TRPC1: variants seen among roughly 807,000 people sequenced by gnomAD.
TRPC1 encodes short transient receptor potential channel 1.
A neutral mutation model predicts 88.2 loss-of-function variants in TRPC1; 42 were observed. The observed-to-expected ratio is 0.48, with a 90% CI of 0.37 to 0.62. The LOEUF (loss-of-function observed/expected upper bound fraction) is 0.62. TRPC1 is among the 20% of genes least tolerant of loss of function. The pLI, the probability that TRPC1 is intolerant of heterozygous loss-of-function variation, is 0.00. For missense variants in TRPC1, 699 were observed against 957.3 expected, an observed-to-expected ratio of 0.73 and a Z score of 3.56; for synonymous variants, 288 against 331.8, an observed-to-expected ratio of 0.87 and a Z score of 1.43.
intron 4 of TRPC1, among the ~76,000 whole-genome samples, chr3:142,753,986 G>A (rs1181144662): frequency 1.3e-5 from 2 of 151,404 alleles, no homozygotes; most frequent in African/African-American, 4.9e-5. Flanking sequence ...GCAGGAGGCT[G>A]AGGTGGGAGG....
chr3:142,801,587 T>G (rs1936621366), intron 9 of TRPC1, among the ~76,000 whole-genome samples: 1 of 152,146 alleles, frequency 6.6e-6, no homozygotes, highest in Admixed American at 6.6e-5. Context: ...TACTCACTAC[T>G]AATACTGGAC....
chr3:142,745,417 G>A (rs1350299527), intron 3 of TRPC1, among the ~76,000 whole-genome samples: 2 of 152,150 alleles, frequency 1.3e-5, no homozygotes, highest in Non-Finnish European at 2.9e-5. Flanking sequence ...GCCGAGGCGG[G>A]TGGAACATCT....
chr3:142,759,986 G>A (rs917008803), intron 4 of TRPC1, among the ~76,000 whole-genome samples: 1 of 152,052 alleles, frequency 6.6e-6, no homozygotes, highest in Non-Finnish European at 1.5e-5. Context: ...TCCACGCCCG[G>A]CTAATTTTTT....
At chr3:142,736,569 A>C in intron 2 of TRPC1, 36 bp downstream of exon 2, 1 of 1,533,192 alleles carries the variant, frequency 6.5e-7, no homozygotes. Context: ...GTTAACTTCT[A>C]AGTGCTGTTA....
At chr3:142,800,880 C>T (rs2108160898) in intron 9 of TRPC1, among the ~76,000 whole-genome samples, 1 of 151,116 alleles carries the variant, frequency 6.6e-6, no homozygotes, top group South Asian at 2.1e-4. Context: ...GATCACACCA[C>T]TGCATTCCAG....
intron 9 of TRPC1, 111 bp from the exon 10 acceptor site, chr3:142,802,058 G>A (rs12634067): frequency 0.078 from 50,415 of 642,842 alleles, 2,526 homozygotes; most frequent in East Asian, 0.17. Context: ...AATAGAAGGG[G>A]TGGCCTGTGG....
At chr3:142,762,247 G>A (rs920180656) in intron 4 of TRPC1, among the ~76,000 whole-genome samples, 1 of 151,616 alleles carries the variant, frequency 6.6e-6, no homozygotes, top group Admixed American at 6.6e-5. Context: ...TGTTGCCCAG[G>A]CTGGTCTTGA....
At chr3:142,793,404 A>G (rs945690774) in intron 9 of TRPC1, among the ~76,000 whole-genome samples, 3 of 152,078 alleles carry the variant, frequency 2.0e-5, no homozygotes, top group African/African-American at 7.2e-5. Context: ...GAATACTTAC[A>G]CTTTCGTTTA....
intron 3 of TRPC1, among the ~76,000 whole-genome samples, chr3:142,744,727 C>A (rs1203526455): frequency 6.6e-6 from 1 of 152,096 alleles, no homozygotes; most frequent in Non-Finnish European, 1.5e-5. Flanking sequence ...CATTGACTAA[C>A]CAAATTATGG....
chr3:142,724,726 A>G lies in TRPC1; in HGVS notation c.167A>G (p.Asp56Gly). The G allele has an allele frequency of 6.3e-7, 1 of 1,583,898 alleles. No homozygotes were observed. Among genetic ancestry groups the G allele is most frequent in the Non-Finnish European group, 8.6e-7 (1 of 1,161,726 alleles). Residue 56 changes from aspartate to glycine, a missense_variant, in exon 1 of 13, where the codon GAC (aspartate) becomes GGC (glycine). By Grantham distance (94) the Asp-to-Gly change is moderately conservative (BLOSUM62 -1). Coordinates refer to ENST00000476941, the MANE Select transcript of TRPC1 (RefSeq NM_001251845.2). This position sits in a 1 kb window ranked among gnomAD's most constrained non-coding sequence, Gnocchi z 5.6. ...GAGAAGCTTTTCTTGCTGGCGTGCG[A>G]CAAGGGTGAGAGTTAGGCCCCTTTC... ...LNEKLFLLAC[D>G]KGDYYMVKKI...
At chr3:142,777,592 A>G in intron 4 of TRPC1, 40 bp from the exon 5 acceptor site, 1 of 1,451,212 alleles carries the variant, frequency 6.9e-7, no homozygotes, top group Non-Finnish European at 9.3e-7. Context: ...TTATATGTGT[A>G]TAAGTTTATT....
rs747917025 is a variant in TRPC1 at position 142,802,216 on chromosome 3, G to A, written c.1629G>A (p.Met543Ile). ...AAGATTTTGGAAAATTTCTTGGGAT[G>A]TTTCTTCTTGTTTTGTTTTCTTTCA... is the stretch of plus-strand genomic sequence containing the variant. ...MLQDFGKFLG[M>I]FLLVLFSFTI... Residue 543 changes from methionine to isoleucine, a missense_variant, in exon 10 of 13, where the codon ATG (methionine) becomes ATA (isoleucine). By Grantham distance (10) the Met-to-Ile change is conservative. Coordinates refer to ENST00000476941, the MANE Select transcript of TRPC1 (RefSeq NM_001251845.2). The A allele has an allele frequency of 6.3e-7, 1 of 1,592,638 alleles. No homozygotes were observed. Among genetic ancestry groups the A allele is most frequent in the Non-Finnish European group, 8.5e-7 (1 of 1,171,914 alleles).
chr3:142,780,869 T>A lies in TRPC1; in HGVS notation c.800T>A (p.Met267Lys). 6.2e-7 allele frequency: 1 copy of A among 1,612,534 alleles called. No homozygotes were observed. The highest frequency in any genetic ancestry group is 8.5e-7 in the Non-Finnish European group (1 of 1,179,200). The change falls in exon 6 of 13, where the codon ATG becomes AAG. Residue 267 changes from methionine (M) to lysine (K), a missense_variant. Around this residue, in one of 4 missense-constraint regions of TRPC1, gnomAD observed 426 missense variants for 641.3 expected, o/e 0.66. Coordinates refer to ENST00000476941, the MANE Select transcript of TRPC1 (RefSeq NM_001251845.2). ...GAGGAACTAGCCCGGCAATGTAAAA[T>A]GTTTGCTAAGGATTTACTTGCACAA... ...DYEELARQCKMFAKDLLAQAR... is the reference protein window; with the variant it reads ...DYEELARQCKKFAKDLLAQAR...
chr3:142,798,101 A>G (rs1936506919), intron 9 of TRPC1, among the ~76,000 whole-genome samples: 1 of 152,072 alleles, frequency 6.6e-6, no homozygotes, highest in South Asian at 2.1e-4. Flanking sequence ...TAGATTCTCA[A>G]GTCCTACCCT....
chr3:142,807,535 C>A lies in TRPC1; in HGVS notation c.*1300C>A, dbSNP rs2108174147. The A allele has an allele frequency of 1.3e-5, 2 of 152,320 alleles. No individual in the cohort carries two copies. Among genetic ancestry groups the A allele is most frequent in the East Asian group, 3.9e-4 (2 of 5,182 alleles). The allele number at this position is 152,320 out of a possible 1,614,324, so 9.4% of individuals were successfully genotyped here. ...CCACAGGGTGCAGGTAACCCTTGGT[C>A]TGTAAGCACCACCGATCCAGGGATC... On this transcript the variant is annotated 3_prime_UTR_variant, in exon 13 of 13. Transcript: ENST00000476941.
chr3:142,770,332 A>G (rs76022744), intron 4 of TRPC1, among the ~76,000 whole-genome samples: 1 of 151,902 alleles, frequency 6.6e-6, no homozygotes, highest in African/African-American at 2.4e-5. Context: ...CCTGACCTCA[A>G]GTAATCCGCC....
intron 4 of TRPC1, among the ~76,000 whole-genome samples, chr3:142,772,575 C>G (rs1312623603): frequency 1.3e-5 from 2 of 152,122 alleles, no homozygotes; most frequent in Non-Finnish European, 2.9e-5. Context: ...GCGGGTGAAT[C>G]ACCTGAGATC....
At chr3:142,735,103 A>G (rs755582643) in intron 1 of TRPC1, among the ~76,000 whole-genome samples, 54 of 152,154 alleles carry the variant, frequency 3.5e-4, no homozygotes, top group Non-Finnish European at 6.3e-4. Flanking sequence ...TACTATGGGG[A>G]AAATATTTCT....
chr3:142,748,416 A>G lies in TRPC1; in HGVS notation c.588A>G (p.Thr196=). The G allele has an allele frequency of 6.2e-7, 1 of 1,614,140 alleles. No individual in the cohort carries two copies. The highest frequency in any genetic ancestry group is 1.6e-4 in the Middle Eastern group (1 of 6,062). The change falls in exon 4 of 13, where the codon ACA becomes ACG. Residue 196 remains threonine (T), a synonymous_variant. Coordinates refer to ENST00000476941, the MANE Select transcript of TRPC1 (RefSeq NM_001251845.2). ...PKPHAVGCEC[T]LCSAKNKKDS... is the part of the protein sequence containing the mutation. ...CCCATGCAGTTGGCTGTGAATGCACATTGTGTTCTGCAAAAAACAAAAAGG... is the reference window on the plus strand; with the variant it reads ...CCCATGCAGTTGGCTGTGAATGCACGTTGTGTTCTGCAAAAAACAAAAAGG...
Sources: gnomAD v4.1 joint callset for allele counts (sites outside exome capture counted in the v4.1 genomes callset) on GRCh38, gnomAD v4.1.1 for gene constraint, gnomAD v4.1.1 regional missense constraint, Gnocchi (gnomAD v3.1) non-coding constraint, MANE v1.5 for transcripts, NCBI Gene and HGNC (gene_info 2026-07-23, HGNC 2026-07-21) for gene names.